The following TAF4 variants were observed in gnomAD, a reference collection of about 807,000 sequenced individuals.
The protein encoded by TAF4 is transcription initiation factor TFIID subunit 4.
In TAF4, 9 loss-of-function variants were observed where a neutral mutation model predicts 90.3. The observed-to-expected ratio is 0.10, with a 90% CI of 0.06 to 0.17. The LOEUF (loss-of-function observed/expected upper bound fraction) is 0.17, where lower values mean the gene tolerates loss of function less well. Among genes scored for constraint, TAF4 ranks in the 10% least tolerant of loss-of-function variants. The pLI is 1.00. For synonymous variants in TAF4, 818 were observed against 638.9 expected, an observed-to-expected ratio of 1.28 and a Z score of -4.23; for missense variants, 1,351 against 1,370.7, an observed-to-expected ratio of 0.99 and a Z score of 0.23.
At chr20:62,014,021 T>TGTGGGGGG (rs1450261804) in intron 2 of TAF4, among the ~76,000 whole-genome samples, 15 of 90,700 alleles carry the variant, frequency 1.7e-4, no homozygotes, top group African/African-American at 4.4e-4. Context: ...GGGGTGTGGG[T>TGTGGGGGG]GTGTGTGTGT....
At chr20:61,997,857 T>C (rs975846847) in intron 13 of TAF4, among the ~76,000 whole-genome samples, 188 bp from the exon 14 acceptor site, 16 of 152,232 alleles carry the variant, frequency 1.1e-4, no homozygotes, top group African/African-American at 3.9e-4. Flanking sequence ...ATGCAACAGA[T>C]GTTTGTCTTA....
chr20:61,990,213 A>G (rs1417675109), intron 14 of TAF4, among the ~76,000 whole-genome samples: 1 of 152,160 alleles, frequency 6.6e-6, no homozygotes, highest in African/African-American at 2.4e-5. Flanking sequence ...AAAGTACAGG[A>G]GTGCACGCAA....
At position 62,065,813 on chromosome 20, in the gene TAF4, T is replaced by C; in HGVS notation, c.-3A>G. Reference sequence around the variant, plus strand: ...AGCAGATCCGAGCCCGCCGCCATCTTTTTTCCTCGGCCGCCGCCGCCGCCG... The same window carrying C: ...AGCAGATCCGAGCCCGCCGCCATCTCTTTTCCTCGGCCGCCGCCGCCGCCG... On this transcript the variant is annotated 5_prime_UTR_variant, in exon 1 of 15. Transcript: ENST00000252996. 7.8e-7 allele frequency: 1 copy of C among 1,285,562 alleles called. No homozygotes were observed. Among genetic ancestry groups the C allele is most frequent in the South Asian group, 1.3e-5 (1 of 74,808 alleles). The allele number at this position is 1,285,562 out of a possible 1,614,324, so 79.6% of individuals were successfully genotyped here.
intron 1 of TAF4, among the ~76,000 whole-genome samples, chr20:62,063,826 T>A (rs1480654861): frequency 6.6e-6 from 1 of 152,250 alleles, no homozygotes; most frequent in Admixed American, 6.5e-5. Flanking sequence ...TCTCGCAGGA[T>A]GCGCCTGACA....
intron 1 of TAF4, among the ~76,000 whole-genome samples, chr20:62,026,956 T>C (rs1051708660): frequency 3.9e-5 from 6 of 152,352 alleles, no homozygotes; most frequent in Non-Finnish European, 8.8e-5. Context: ...CGTGGAGACT[T>C]CTACTCATGA....
At chr20:62,003,431 C>T (rs1250032900) in intron 8 of TAF4, among the ~76,000 whole-genome samples, 157 bp from the exon 9 acceptor site, 1 of 152,162 alleles carries the variant, frequency 6.6e-6, no homozygotes, top group Non-Finnish European at 1.5e-5. Flanking sequence ...AATTACAGTA[C>T]AAAGTGTAAG....
At chr20:62,062,675 C>G (rs28382003) in intron 1 of TAF4, among the ~76,000 whole-genome samples, 3 of 152,298 alleles carry the variant, frequency 2.0e-5, no homozygotes, top group African/African-American at 7.2e-5. Flanking sequence ...GACCCTAAAA[C>G]TGATCTTAAA....
At chr20:62,004,062 C>T (rs1452370097) in intron 7 of TAF4, among the ~76,000 whole-genome samples, 184 bp from the exon 8 acceptor site, 6 of 152,214 alleles carry the variant, frequency 3.9e-5, no homozygotes, top group South Asian at 2.1e-4. Context: ...GCCATGGACT[C>T]GGCCAGACCA....
chr20:62,009,903 TG>T, intron 4 of TAF4, 142 bp downstream of exon 4: 2 of 1,338,880 alleles, frequency 1.5e-6, no homozygotes, highest in Non-Finnish European at 2.0e-6. Flanking sequence ...CGTGCTCACG[TG>T]GGCCCCAGAC....
At chr20:61,992,216 G>A (rs901646359) in intron 14 of TAF4, among the ~76,000 whole-genome samples, 3 of 152,188 alleles carry the variant, frequency 2.0e-5, no homozygotes, top group African/African-American at 4.8e-5. Flanking sequence ...GGGCGAAAGG[G>A]AGAGCTTATG....
rs1259961111 is a variant in TAF4 at position 62,065,588 on chromosome 20, G to A, written c.223C>T (p.Pro75Ser). 1.0e-4 allele frequency: 99 copies of A among 983,266 alleles called. No homozygotes were observed. In the East Asian group the frequency reaches 1.6e-3, roughly 16 times the overall value. The allele number at this position is 983,266 out of a possible 1,614,324, so 60.9% of individuals were successfully genotyped here. A position where few individuals can be genotyped will look rare whatever the true frequency, so the allele number is the denominator to read the frequency against. Residue 75 changes from proline (P) to serine (S), a missense_variant, in exon 1 of 15, where the codon CCG becomes TCG. Pro to Ser is a moderately conservative substitution (Grantham distance 74). Around this residue, in one of 9 missense-constraint regions of TAF4, gnomAD observed 782 missense variants for 536.6 expected, o/e 1.46. Coordinates refer to ENST00000252996, the MANE Select transcript of TAF4 (RefSeq NM_003185.4). ...GSPAGAAGAG[P>S]AAPAEGAPGA... The stretch of plus-strand genomic sequence containing the variant: ...GGCGCGCCCTCGGCGGGGGCGGCCG[G>A]CCCTGCGCCCGCGGCTCCGGCCGGG...
intron 1 of TAF4, among the ~76,000 whole-genome samples, chr20:62,036,865 G>C (rs1398767710): frequency 6.6e-6 from 1 of 152,154 alleles, no homozygotes; most frequent in Non-Finnish European, 1.5e-5. Context: ...GGGGGACTTT[G>C]GGGGCCCAGC....
At position 62,065,259 on chromosome 20, in the gene TAF4, AGG is replaced by A. The variant is rs776976596; in HGVS notation, c.550_551del (p.Pro184TrpfsTer277). The A allele has an allele frequency of 2.2e-4, 20 of 89,624 alleles. No homozygotes were observed. The highest frequency in any genetic ancestry group is 4.8e-4 in the African/African-American group (2 of 4,196). 5.6% of individuals were successfully genotyped at this position (89,624 alleles called of 1,614,324 possible). ...PGPGPGPGPGPGPGKPAGPGA... is the reference protein window; with the variant it reads ...PGPGPGPGPGXGPGKPAGPGA... ...CGGGGCCGGCGGGCTTGCCAGGGCC[AGG>A]GCCGGGGCCGGGGCCGGGGCCGGGC... On this transcript the variant is annotated frameshift_variant, in exon 1 of 15. Coordinates refer to ENST00000252996, the MANE Select transcript of TAF4 (RefSeq NM_003185.4). LOFTEE classifies it high-confidence loss of function.
At chr20:62,014,190 T>A (rs1036626583) in intron 2 of TAF4, among the ~76,000 whole-genome samples, 2 of 152,062 alleles carry the variant, frequency 1.3e-5, no homozygotes, top group African/African-American at 4.8e-5. Context: ...CCTAGCACCA[T>A]CTCTACTTTG....
chr20:62,055,081 A>G (rs1318017348), intron 1 of TAF4, among the ~76,000 whole-genome samples: 1 of 152,226 alleles, frequency 6.6e-6, no homozygotes, highest in Non-Finnish European at 1.5e-5. Flanking sequence ...ATTATGCCCT[A>G]TCCAGCTTCA....
chr20:62,038,823 C>G (rs1479553765), intron 1 of TAF4, among the ~76,000 whole-genome samples: 3 of 152,310 alleles, frequency 2.0e-5, no homozygotes, highest in Admixed American at 6.5e-5. Context: ...GAGGCTGAGG[C>G]AGGCGGATCA....
chr20:62,064,610 G>C lies in TAF4; in HGVS notation c.1201C>G (p.Pro401Ala). The change falls in exon 1 of 15, where the codon CCC (proline) becomes GCC (alanine). Residue 401 changes from proline (P) to alanine (A), a missense_variant. Transcript: ENST00000252996. ...GTCACTGCGCCGGCCGCGCCTTTGGGCAGCCCGGTGGGGGTCCCGGGGGCG... is the reference window on the plus strand; with the variant it reads ...GTCACTGCGCCGGCCGCGCCTTTGGCCAGCCCGGTGGGGGTCCCGGGGGCG... ...PPAPGTPTGL[P>A]KGAAGAVTQS... is the part of the protein sequence containing the mutation. 7.0e-7 allele frequency: 1 copy of C among 1,434,724 alleles called. No homozygotes were observed. The highest frequency in any genetic ancestry group is 9.1e-7 in the Non-Finnish European group (1 of 1,096,278). The allele number at this position is 1,434,724 out of a possible 1,614,324, so 88.9% of individuals were successfully genotyped here. A position where few individuals can be genotyped will look rare whatever the true frequency, so the allele number is the denominator to read the frequency against.
chr20:61,978,724 C>A (rs535469761), intron 14 of TAF4, among the ~76,000 whole-genome samples: 1 of 152,262 alleles, frequency 6.6e-6, no homozygotes, highest in East Asian at 1.9e-4. Flanking sequence ...GGGGCGAGAC[C>A]AACCAAGGCC....
chr20:62,001,887 T>A (rs1278458928), intron 9 of TAF4, among the ~76,000 whole-genome samples: 1 of 152,118 alleles, frequency 6.6e-6, no homozygotes, highest in Non-Finnish European at 1.5e-5. Flanking sequence ...TGGAAAACGG[T>A]TTTTAGAAGA....
Sources: allele counts gnomAD v4.1 joint callset (sites outside exome capture counted in the v4.1 genomes callset), GRCh38; gene constraint gnomAD v4.1.1; regional missense constraint gnomAD v4.1.1; transcripts MANE v1.5; gene names NCBI Gene and HGNC (gene_info 2026-07-23, HGNC 2026-07-21).